The following CLMP variants were observed in gnomAD, a reference collection of about 807,000 sequenced individuals.
CLMP encodes the protein CXADR-like membrane protein.
CLMP carries 27 observed loss-of-function variants against 45.2 expected under a neutral mutation model. That is an observed-to-expected ratio of 0.60 (90% CI 0.44 to 0.82). The LOEUF (loss-of-function observed/expected upper bound fraction) is 0.82, where lower values mean the gene tolerates loss of function less well. CLMP is among the 40% of genes least tolerant of loss of function. The pLI is 0.00. For synonymous variants in CLMP, 167 were observed against 171.4 expected (o/e 0.97, Z 0.20); for missense variants, 403 against 448.4 (o/e 0.90, Z 0.91).
At chr11:123,099,483 A>G (rs966087372) in intron 1 of CLMP, among the ~76,000 whole-genome samples, 5 of 152,226 alleles carry the variant, frequency 3.3e-5, no homozygotes, top group African/African-American at 1.2e-4. Context: ...AGGGTTTTGT[A>G]AATATTAGAA....
chr11:123,101,492 C>T lies in CLMP; in HGVS notation c.29-3540G>A, dbSNP rs554990095. Among the ~76,000 whole-genome samples the T allele has an allele frequency of 5.4e-4, 82 of 152,276 alleles. 3 individuals are homozygous for T. Among genetic ancestry groups the T allele is most frequent in the African/African-American group, 1.9e-3 (79 of 41,566 alleles). ...AATCTGTGGGAAGGAAAATGGCTTC[C>T]GGTATTCTTGCTTTCAGGGAAATGA... On this transcript the variant is annotated intron_variant, in intron 1 of 6. Transcript: ENST00000448775.
Position 123,072,614 on chromosome 11 carries a change from A to G in CLMP, c.*860T>C, listed in dbSNP as rs2135458594. The G allele has an allele frequency of 6.6e-6, 1 of 152,356 alleles. No individual in the cohort carries two copies. Among genetic ancestry groups the G allele is most frequent in the East Asian group, 1.9e-4 (1 of 5,190 alleles). 9.4% of individuals were successfully genotyped at this position (152,356 alleles called of 1,614,324 possible). A position where few individuals can be genotyped will look rare whatever the true frequency, so the allele number is the denominator to read the frequency against. On this transcript the variant is annotated 3_prime_UTR_variant, in exon 7 of 7. Transcript: ENST00000448775. The stretch of plus-strand genomic sequence containing the variant: ...AAGAATTCTTTCTAAGGACGTTGAT[A>G]AATGACATGTTGTATTTTCTCCTTC...
At chr11:123,126,359 G>A (rs899254966) in intron 1 of CLMP, among the ~76,000 whole-genome samples, 13 of 152,130 alleles carry the variant, frequency 8.5e-5, no homozygotes, top group African/African-American at 2.4e-4. Context: ...AATTCTCTGG[G>A]AAGTTCATCT....
intron 2 of CLMP, among the ~76,000 whole-genome samples, chr11:123,089,576 T>C (rs909525952): frequency 1.1e-4 from 17 of 150,612 alleles, no homozygotes; most frequent in East Asian, 4.0e-4. Flanking sequence ...CCATCCTGGC[T>C]AACACGGTGA....
At chr11:123,093,864 T>C (rs998513969) in intron 2 of CLMP, among the ~76,000 whole-genome samples, 1 of 152,154 alleles carries the variant, frequency 6.6e-6, no homozygotes, top group Non-Finnish European at 1.5e-5. Flanking sequence ...ATAGAACAGA[T>C]GGAGCAGCTC....
intron 1 of CLMP, among the ~76,000 whole-genome samples, chr11:123,112,781 T>A (rs188704119): frequency 7.3e-4 from 109 of 149,340 alleles, no homozygotes; most frequent in African/African-American, 2.6e-3. Context: ...TTTTTTTTTT[T>A]TTTTTTTTTT....
At chr11:123,100,932 C>T (rs925428700) in intron 1 of CLMP, among the ~76,000 whole-genome samples, 39 of 152,044 alleles carry the variant, frequency 2.6e-4, no homozygotes, top group African/African-American at 8.7e-4. Context: ...CAGGTTACTA[C>T]CCTCCTCCCC....
At chr11:123,123,902 G>T (rs530873663) in intron 1 of CLMP, among the ~76,000 whole-genome samples, 1 of 152,308 alleles carries the variant, frequency 6.6e-6, no homozygotes, top group South Asian at 2.1e-4. Context: ...TGCAGGAAAT[G>T]AGACATGAGA....
chr11:123,098,321 G>A (rs1478153509), intron 1 of CLMP, among the ~76,000 whole-genome samples: 3 of 151,354 alleles, frequency 2.0e-5, no homozygotes, highest in African/African-American at 7.3e-5. Flanking sequence ...TCTGCCTCCT[G>A]AGTTCAAGTG....
chr11:123,124,785 T>G (rs1860865678), intron 1 of CLMP, among the ~76,000 whole-genome samples: 1 of 152,220 alleles, frequency 6.6e-6, no homozygotes, highest in Non-Finnish European at 1.5e-5. Flanking sequence ...ACATATAGCA[T>G]TCTAAAATAA....
chr11:123,074,689 G>T lies in CLMP; in HGVS notation c.821+13C>A. On this transcript the variant is annotated intron_variant, in intron 6 of 6. Coordinates refer to ENST00000448775, the MANE Select transcript of CLMP (RefSeq NM_024769.5). The stretch of plus-strand genomic sequence containing the variant: ...ACAGAAGCCCCGTAAAAGTAGGGAT[G>T]TGGGAGGTTTACCGAATTTCATTAG... 1 of 1,613,554 alleles carries T rather than the reference G, an allele frequency of 6.2e-7. No homozygotes were observed. Among genetic ancestry groups the T allele is most frequent in the Non-Finnish European group, 8.5e-7 (1 of 1,179,570 alleles).
At chr11:123,116,449 T>A (rs1045397902) in intron 1 of CLMP, among the ~76,000 whole-genome samples, 3 of 151,908 alleles carry the variant, frequency 2.0e-5, no homozygotes, top group Admixed American at 2.0e-4. Context: ...GCACCTGTAA[T>A]CCCAGCTACT....
intron 1 of CLMP, among the ~76,000 whole-genome samples, chr11:123,151,136 T>TC (rs1861332570): frequency 6.6e-6 from 1 of 152,196 alleles, no homozygotes; most frequent in Admixed American, 6.5e-5. Context: ...CAGCGTGCTG[T>TC]CTGTGAGCTT....
At chr11:123,073,810 G>C in intron 6 of CLMP, 36 bp from the exon 7 acceptor site, 1 of 1,530,326 alleles carries the variant, frequency 6.5e-7, no homozygotes, top group South Asian at 1.3e-5. Flanking sequence ...AACACTGGCA[G>C]ATCTGTGATT....
chr11:123,150,422 A>T (rs183520757), intron 1 of CLMP, among the ~76,000 whole-genome samples: 1 of 27,736 alleles, frequency 3.6e-5, no homozygotes, highest in Non-Finnish European at 6.8e-5. Flanking sequence ...AAGGTAAGAA[A>T]GAAAGAAAGA....
chr11:123,129,071 C>A (rs150333852), intron 1 of CLMP, among the ~76,000 whole-genome samples: 95 of 152,106 alleles, frequency 6.2e-4, no homozygotes, highest in African/African-American at 2.3e-3. Context: ...ACCTGTAATC[C>A]CAGCACTTTG....
In CLMP at chr11:123,082,987, C is replaced by T. The variant is rs553981677; in HGVS notation, c.679+98G>A. The T allele has an allele frequency of 3.2e-5, 47 of 1,448,904 alleles. No homozygotes were observed. In the South Asian group the frequency reaches 5.7e-4, roughly 18 times the overall value. The allele number at this position is 1,448,904 out of a possible 1,614,324, so 89.8% of individuals were successfully genotyped here. The stretch of plus-strand genomic sequence containing the variant: ...TCCTTCTGGAGATAAAGATTTTGAC[C>T]TTAACCTTACTCTTACTTATGATTA... On this transcript the variant is annotated intron_variant, in intron 5 of 6. Transcript: ENST00000448775.
chr11:123,112,517 A>T (rs1860653977), intron 1 of CLMP, among the ~76,000 whole-genome samples: 1 of 150,402 alleles, frequency 6.6e-6, no homozygotes, highest in Non-Finnish European at 1.5e-5. Context: ...TTGTGTTTTC[A>T]GTAGAGATGG....
chr11:123,092,734 A>T (rs551799793), intron 2 of CLMP, among the ~76,000 whole-genome samples: 2 of 152,008 alleles, frequency 1.3e-5, no homozygotes, highest in East Asian at 3.9e-4. Flanking sequence ...AGTAGCTGGA[A>T]CTACATGTGT....
Sources: gnomAD v4.1 joint callset for allele counts (sites outside exome capture counted in the v4.1 genomes callset) on GRCh38, gnomAD v4.1.1 for gene constraint, MANE v1.5 for transcripts, NCBI Gene and HGNC (gene_info 2026-07-23, HGNC 2026-07-21) for gene names.